Variants in SYT1 observed in about 807,000 individuals in gnomAD.
SYT1 encodes the protein synaptotagmin-1.
Under a neutral mutation model 44.8 loss-of-function variants are expected in SYT1, and 8 were observed. The ratio of observed to expected loss-of-function variants is 0.18; its 90% CI spans 0.10 to 0.32. SYT1 has a LOEUF of 0.32. Among genes scored for constraint, SYT1 ranks in the 10% least tolerant of loss-of-function variants. SYT1 has a pLI of 1.00. For synonymous variants in SYT1, 154 were observed against 188.8 expected (o/e 0.82, Z 1.51); for missense variants, 286 against 509.3 (o/e 0.56, Z 4.22).
chr12:78,945,250 A>AT (rs1878589749), intron 1 of SYT1, among the ~76,000 whole-genome samples: 1 of 152,080 alleles, frequency 6.6e-6, no homozygotes, highest in South Asian at 2.1e-4. Context: ...AAAAATATAA[A>AT]TGCACCTTAA....
intron 9 of SYT1, among the ~76,000 whole-genome samples, chr12:79,370,635 C>T (rs1883746423): frequency 6.6e-6 from 1 of 152,086 alleles, no homozygotes; most frequent in South Asian, 2.1e-4. Flanking sequence ...TGGTGACGGG[C>T]GCCTGTAGTC....
chr12:79,253,607 G>T lies in SYT1; in HGVS notation c.167-32180G>T, dbSNP rs565716452. 5.9e-4 allele frequency among the ~76,000 whole-genome samples: 89 copies of T among 151,634 alleles called. 1 individual carries two copies. Among genetic ancestry groups the T allele is most frequent in the Non-Finnish European group, 1.0e-3 (71 of 67,906 alleles). Reference sequence around the variant, plus strand: ...AATAATCCTGCAATGACCTCTAAGTGTTCAAGTGAAAGGAAGAGTCTTGTG... The same window carrying T: ...AATAATCCTGCAATGACCTCTAAGTTTTCAAGTGAAAGGAAGAGTCTTGTG... On this transcript the variant is annotated intron_variant, in intron 4 of 10. Transcript: ENST00000261205.
chr12:78,970,092 T>C (rs955190036), intron 1 of SYT1, among the ~76,000 whole-genome samples: 7 of 152,154 alleles, frequency 4.6e-5, no homozygotes, highest in African/African-American at 1.4e-4. Context: ...GTCCACTCAA[T>C]GTATTAATGA....
At chr12:79,178,931 T>TATATAGATATAGATATAG (rs367925795) in intron 3 of SYT1, among the ~76,000 whole-genome samples, 1 of 51,732 alleles carries the variant, frequency 1.9e-5, no homozygotes. Context: ...TAGATATATC[T>TATATAGATATAGATATAG]ATATAGATAT....
chr12:79,396,945 G>C (rs909626917), intron 9 of SYT1, among the ~76,000 whole-genome samples: 1 of 152,172 alleles, frequency 6.6e-6, no homozygotes. Flanking sequence ...ACTTAGCTCT[G>C]GTGAACAGAC....
At chr12:79,295,233 G>A (rs1440178060) in intron 6 of SYT1, among the ~76,000 whole-genome samples, 2 of 152,116 alleles carry the variant, frequency 1.3e-5, no homozygotes, top group East Asian at 3.9e-4. Flanking sequence ...GAGTATCTAT[G>A]ATAGTCTACT....
At chr12:79,058,084 GT>G (rs1411458377) in intron 3 of SYT1, among the ~76,000 whole-genome samples, 2 of 151,876 alleles carry the variant, frequency 1.3e-5, no homozygotes, top group African/African-American at 4.8e-5. Context: ...TTATTAGTGT[GT>G]TTTTTTGAAA....
intron 2 of SYT1, among the ~76,000 whole-genome samples, chr12:79,013,327 A>C (rs1213774649): frequency 6.6e-6 from 1 of 152,142 alleles, no homozygotes; most frequent in Non-Finnish European, 1.5e-5. Context: ...AAACACTTTG[A>C]GAGCATCAGG....
chr12:79,179,526 G>GATATATCC (rs1565842499), intron 3 of SYT1, among the ~76,000 whole-genome samples: 1 of 14,504 alleles, frequency 6.9e-5, no homozygotes, highest in African/African-American at 5.0e-4. Flanking sequence ...TATCTATATA[G>GATATATCC]ATATAGATAT....
chr12:79,446,034 T>TACATATATATA (rs1491131045), intron 10 of SYT1, among the ~76,000 whole-genome samples: 7 of 115,526 alleles, frequency 6.1e-5, no homozygotes, highest in South Asian at 2.7e-4. Flanking sequence ...TATATATATA[T>TACATATATATA]TATGCCTAGG....
chr12:78,996,697 A>T (rs1013265227), intron 2 of SYT1, among the ~76,000 whole-genome samples: 1 of 152,158 alleles, frequency 6.6e-6, no homozygotes, highest in Non-Finnish European at 1.5e-5. Flanking sequence ...TCCATGCCAC[A>T]CCCTACAAAT....
chr12:78,869,750 T>G (rs758703683), intron 1 of SYT1, among the ~76,000 whole-genome samples: 3 of 152,030 alleles, frequency 2.0e-5, no homozygotes, highest in Non-Finnish European at 4.4e-5. Flanking sequence ...TTTAAAGAAT[T>G]ATTTCTGTAA....
At chr12:79,276,405 C>T (rs1304222193) in intron 4 of SYT1, among the ~76,000 whole-genome samples, 3 of 151,942 alleles carry the variant, frequency 2.0e-5, no homozygotes, top group Non-Finnish European at 4.4e-5. Context: ...TAGTGGGGCG[C>T]AATGACTCAT....
intron 4 of SYT1, among the ~76,000 whole-genome samples, chr12:79,264,442 T>C (rs1305953813): frequency 6.6e-6 from 1 of 152,234 alleles, no homozygotes; most frequent in East Asian, 1.9e-4. Flanking sequence ...TAAATGTGCA[T>C]GTAACTAGTT....
At chr12:79,191,752 ACAC>A (rs1477430553) in intron 3 of SYT1, among the ~76,000 whole-genome samples, 1 of 152,114 alleles carries the variant, frequency 6.6e-6, no homozygotes, top group African/African-American at 2.4e-5. Context: ...CAGGGACTTC[ACAC>A]ATACATAACA....
At chr12:79,349,797 A>G (rs1159044950) in intron 8 of SYT1, among the ~76,000 whole-genome samples, 1 of 152,190 alleles carries the variant, frequency 6.6e-6, no homozygotes, top group East Asian at 1.9e-4. Context: ...AAATATTTAT[A>G]TTAAATGTTT....
chr12:79,152,271 A>G (rs1412037742), intron 3 of SYT1, among the ~76,000 whole-genome samples: 1 of 152,180 alleles, frequency 6.6e-6, no homozygotes, highest in Non-Finnish European at 1.5e-5. Context: ...GATATGTTAC[A>G]GAATTTGATC....
intron 3 of SYT1, among the ~76,000 whole-genome samples, chr12:79,132,551 C>T (rs1018240050): frequency 7.3e-5 from 11 of 151,618 alleles, no homozygotes; most frequent in Non-Finnish European, 1.0e-4. Flanking sequence ...CATCTTAACC[C>T]GGTTAGGATG....
intron 2 of SYT1, among the ~76,000 whole-genome samples, chr12:79,004,893 G>C (rs1870974177): frequency 6.6e-6 from 1 of 151,944 alleles, no homozygotes; most frequent in Non-Finnish European, 1.5e-5. Flanking sequence ...AATAATATTG[G>C]TTTGGTGAAT....
Sources: allele counts gnomAD v4.1 joint callset (sites outside exome capture counted in the v4.1 genomes callset), GRCh38; gene constraint gnomAD v4.1.1; transcripts MANE v1.5; gene names NCBI Gene and HGNC (gene_info 2026-07-23, HGNC 2026-07-21).